Variants in RBFOX1 observed in about 807,000 individuals in gnomAD.
The protein encoded by RBFOX1 is RNA binding fox-1 homolog 1.
In RBFOX1, 8 loss-of-function variants were observed where a neutral mutation model predicts 57.7. The ratio of observed to expected loss-of-function variants is 0.14; its 90% CI spans 0.08 to 0.25. The LOEUF (loss-of-function observed/expected upper bound fraction) is 0.25, where lower values mean the gene tolerates loss of function less well. RBFOX1 is among the 10% of genes least tolerant of loss of function. The pLI is 1.00. For synonymous variants in RBFOX1, 326 were observed against 222.4 expected, an observed-to-expected ratio of 1.47 and a Z score of -4.15; for missense variants, 611 against 548.5, an observed-to-expected ratio of 1.11 and a Z score of -1.14.
chr16:7,210,664 A>G (rs2090951605), intron 4 of RBFOX1, among the ~76,000 whole-genome samples: 1 of 152,178 alleles, frequency 6.6e-6, no homozygotes, highest in Admixed American at 6.5e-5. Context: ...GGTGTCAGGC[A>G]TGCTGTTAAA....
chr16:5,669,765 G>C (rs1221720610), intron 3 of RBFOX1, among the ~76,000 whole-genome samples: 1 of 152,206 alleles, frequency 6.6e-6, no homozygotes, highest in African/African-American at 2.4e-5. Context: ...CATGATGAAA[G>C]AGATGGTTCC....
chr16:6,142,896 C>G (rs745796463), intron 1 of RBFOX1, among the ~76,000 whole-genome samples: 2 of 152,188 alleles, frequency 1.3e-5, no homozygotes, highest in Admixed American at 6.5e-5. Flanking sequence ...CCCTGATGTT[C>G]TCTGACTGCA....
chr16:6,070,745 A>C (rs1159032519), intron 1 of RBFOX1, among the ~76,000 whole-genome samples: 1 of 152,038 alleles, frequency 6.6e-6, no homozygotes, highest in Non-Finnish European at 1.5e-5. Context: ...ATTCATAATA[A>C]ATGTATTTTT....
intron 14 of RBFOX1, among the ~76,000 whole-genome samples, chr16:7,700,645 T>G (rs536246763): frequency 2.6e-5 from 4 of 152,322 alleles, no homozygotes; most frequent in Non-Finnish European, 5.9e-5. Context: ...AAGAGAAGGA[T>G]GGCCTTGAGC....
chr16:6,021,580 C>A (rs943003254), intron 1 of RBFOX1, among the ~76,000 whole-genome samples: 6 of 152,184 alleles, frequency 3.9e-5, no homozygotes, highest in Non-Finnish European at 8.8e-5. Flanking sequence ...GGAGGCCCTC[C>A]GTTTGGAAGA....
chr16:7,460,917 G>C lies in RBFOX1; in HGVS notation c.28-57230G>C, dbSNP rs535902126. On this transcript the variant is annotated intron_variant, in intron 4 of 15. Coordinates refer to ENST00000550418, the MANE Select transcript of RBFOX1 (RefSeq NM_018723.4). Reference sequence around the variant, plus strand: ...TTCCCTAGTGATATGAAAATGGCTGGTTCTTGGACCACATTTTGAGACCCA... The same window carrying C: ...TTCCCTAGTGATATGAAAATGGCTGCTTCTTGGACCACATTTTGAGACCCA... 3.3e-5 allele frequency among the ~76,000 whole-genome samples: 5 copies of C among 152,224 alleles called. No homozygotes were observed. In the East Asian group the frequency reaches 9.7e-4, roughly 30 times the overall value.
At chr16:7,002,551 A>G (rs1040035555) in intron 3 of RBFOX1, among the ~76,000 whole-genome samples, 3 of 152,124 alleles carry the variant, frequency 2.0e-5, no homozygotes, top group Admixed American at 6.6e-5. Flanking sequence ...GTCTCTACTA[A>G]AAATACAAAA....
intron 2 of RBFOX1, among the ~76,000 whole-genome samples, chr16:6,484,259 G>C (rs2095426323): frequency 6.6e-6 from 1 of 152,198 alleles, no homozygotes; most frequent in South Asian, 2.1e-4. Flanking sequence ...TTGTGCATTT[G>C]CGAAGTTGGC....
intron 2 of RBFOX1, among the ~76,000 whole-genome samples, chr16:5,596,170 G>A (rs565945127): frequency 2.2e-4 from 34 of 152,260 alleles, no homozygotes; most frequent in Admixed American, 2.0e-3. Context: ...GGCTCTGCAG[G>A]GGCAGCTGGA....
intron 2 of RBFOX1, among the ~76,000 whole-genome samples, chr16:6,549,135 G>A: frequency 1.9e-5 from 1 of 52,298 alleles, no homozygotes; most frequent in Non-Finnish European, 3.8e-5. Flanking sequence ...GGAGGAAGGA[G>A]GAGGAGGAGG....
chr16:6,885,535 T>A (rs534387944), intron 3 of RBFOX1, among the ~76,000 whole-genome samples: 2 of 134,600 alleles, frequency 1.5e-5, no homozygotes, highest in South Asian at 4.8e-4. Flanking sequence ...TTTTTTTATT[T>A]TTTTTATTTT....
At chr16:5,622,515 A>T in intron 3 of RBFOX1, among the ~76,000 whole-genome samples, 1 of 152,174 alleles carries the variant, frequency 6.6e-6, no homozygotes, top group Non-Finnish European at 1.5e-5. Flanking sequence ...ATGCCTGTGG[A>T]ATTTTTAGAA....
At chr16:7,178,273 T>C (rs2082056823) in intron 4 of RBFOX1, among the ~76,000 whole-genome samples, 1 of 152,256 alleles carries the variant, frequency 6.6e-6, no homozygotes, top group East Asian at 1.9e-4. Context: ...CGCTTTAGTT[T>C]CTGCAACACA....
At chr16:6,439,945 G>A (rs937124664) in intron 2 of RBFOX1, among the ~76,000 whole-genome samples, 5 of 99,252 alleles carry the variant, frequency 5.0e-5, no homozygotes, top group Admixed American at 1.8e-4. Flanking sequence ...CTGAAATACT[G>A]TGTAGACTTG....
chr16:6,414,365 T>C (rs1248434528), intron 2 of RBFOX1, among the ~76,000 whole-genome samples: 3 of 152,234 alleles, frequency 2.0e-5, no homozygotes, highest in Non-Finnish European at 2.9e-5. Context: ...GTCACATCCA[T>C]TTGCGCATGT....
In RBFOX1 at chr16:7,517,564, A is replaced by T. The variant is rs866243551; in HGVS notation, c.28-583A>T. ...TACACACACACAGACACACACACAC[A>T]CACACACACAACATAACACACAACC... On this transcript the variant is annotated intron_variant, in intron 4 of 15. Coordinates refer to ENST00000550418, the MANE Select transcript of RBFOX1 (RefSeq NM_018723.4). 6.4e-3 allele frequency among the ~76,000 whole-genome samples: 972 copies of T among 151,936 alleles called. 10 individuals are homozygous for T. Among genetic ancestry groups the T allele is most frequent in the African/African-American group, 0.022 (915 of 41,422 alleles).
intron 1 of RBFOX1, among the ~76,000 whole-genome samples, chr16:5,453,306 G>A (rs913187483): frequency 6.6e-6 from 1 of 152,170 alleles, no homozygotes; most frequent in Admixed American, 6.5e-5. Context: ...AGTGTGAAGG[G>A]TTCCAGGAAG....
At chr16:6,017,930 G>A (rs2095006684), upstream of RBFOX1, among the ~76,000 whole-genome samples, 2 of 152,176 alleles carry the variant, frequency 1.3e-5, no homozygotes, top group African/African-American at 4.8e-5. Context: ...CACAGGATGG[G>A]AAAATGAACA....
In RBFOX1 at chr16:6,258,824, C is replaced by T. The variant is rs372651136; in HGVS notation, c.-126-58171C>T. Among the ~76,000 whole-genome samples, 60 of 152,184 alleles carry T rather than the reference C, an allele frequency of 3.9e-4. 1 individual carries two copies. The South Asian group carries it at 6.6e-3, about 17-fold the overall frequency. On this transcript the variant is annotated intron_variant, in intron 1 of 15. Transcript: ENST00000550418. ...GAGATGGAGACCCCATTTTACATGA[C>T]GTGATTATTATTCATTTCATGCCTG...
Sources: gnomAD v4.1 joint callset for allele counts (sites outside exome capture counted in the v4.1 genomes callset) on GRCh38, gnomAD v4.1.1 for gene constraint, MANE v1.5 for transcripts, NCBI Gene and HGNC (gene_info 2026-07-23, HGNC 2026-07-21) for gene names.